Variants in PER3 observed in about 807,000 individuals in gnomAD.
PER3 encodes the protein period circadian regulator 3.
PER3 carries 107 observed loss-of-function variants against 127.2 expected under a neutral mutation model. The ratio of observed to expected loss-of-function variants is 0.84; its 90% confidence interval spans 0.72 to 0.99. The LOEUF is 0.99. PER3 is among the 50% of genes least tolerant of loss of function. PER3 has a pLI of 0.00. For synonymous variants in PER3, 618 were observed against 585.8 expected (o/e 1.05, Z -0.79); for missense variants, 1,560 against 1,525.8 (o/e 1.02, Z -0.37).
rs142370585 is a variant in PER3, at chr1:7,827,444, G to C, written c.2515G>C (p.Glu839Gln). Residue 839 changes from glutamate to glutamine, a missense_variant, in exon 18 of 22, where the codon GAG becomes CAG. Glu to Gln is a conservative substitution (Grantham distance 29, BLOSUM62 2). Around this residue, in one of 3 missense-constraint regions of PER3, gnomAD observed 1,332 missense variants for 1,223.6 expected, o/e 1.09. Coordinates refer to ENST00000377532, the MANE Select transcript of PER3 (RefSeq NM_001377275.1). ...AGGCCTGCATGGGCTGCCCTTGTCC[G>C]AGGGCTTGCAGCCTTACCCAGCTTT... is the stretch of plus-strand genomic sequence containing the variant. Reference protein sequence around the residue: ...PEGLHGLPLSEGLQPYPAFPF... With the variant: ...PEGLHGLPLSQGLQPYPAFPF... 2.0e-5 allele frequency: 33 copies of C among 1,614,146 alleles called. No homozygotes were observed. In the East Asian group the frequency reaches 7.1e-4, roughly 35 times the overall value.
intron 8 of PER3, 107 bp from the exon 9 acceptor site, chr1:7,802,940 T>C (rs1242042807): frequency 9.4e-6 from 7 of 746,902 alleles, no homozygotes; most frequent in African/African-American, 1.7e-5. Context: ...GATAAACAGC[T>C]TTGCATAAAA....
intron 16 of PER3, among the ~76,000 whole-genome samples, chr1:7,824,764 C>T (rs771562610): frequency 7.7e-4 from 117 of 152,254 alleles, no homozygotes; most frequent in Non-Finnish European, 1.4e-3. Flanking sequence ...GCTACAAAGG[C>T]GAGACCTTCC....
In PER3 at chr1:7,798,661, T is replaced by C; in HGVS notation, c.781T>C (p.Ser261Pro). The C allele has an allele frequency of 1.9e-6, 3 of 1,613,632 alleles. No homozygotes were observed. Among genetic ancestry groups the C allele is most frequent in the Non-Finnish European group, 2.5e-6 (3 of 1,179,560 alleles). Residue 261 changes from serine (S) to proline (P), a missense_variant, in exon 7 of 22, where the codon TCT (serine) becomes CCT (proline). Coordinates refer to ENST00000377532, the MANE Select transcript of PER3 (RefSeq NM_001377275.1). ...CCLTVVEKIH[S>P]GYEAPRIPVN... The stretch of plus-strand genomic sequence containing the variant: ...TCTCACTGTGGTTGAAAAGATTCAC[T>C]CTGGTTATGAAGGTAAGTCAGTAGA...
chr1:7,786,242 G>A (rs1052384904), intron 3 of PER3, among the ~76,000 whole-genome samples: 8 of 152,160 alleles, frequency 5.3e-5, no homozygotes, highest in Admixed American at 1.3e-4. Flanking sequence ...GTGACAGAGC[G>A]AGACTCTGTC....
intron 10 of PER3, among the ~76,000 whole-genome samples, chr1:7,806,611 G>T (rs1055171750): frequency 2.0e-4 from 30 of 151,544 alleles, no homozygotes; most frequent in African/African-American, 6.3e-4. Flanking sequence ...AAGATAGTGA[G>T]ACCCCTTCTC....
At chr1:7,799,667 C>A (rs1384609435) in intron 7 of PER3, among the ~76,000 whole-genome samples, 1 of 149,914 alleles carries the variant, frequency 6.7e-6, no homozygotes, top group Non-Finnish European at 1.5e-5. Context: ...ATTAGGAAAT[C>A]TACAAACACT....
intron 10 of PER3, among the ~76,000 whole-genome samples, chr1:7,808,232 C>CAAAAAAAAAA (rs60220289): frequency 2.0e-5 from 2 of 97,744 alleles, no homozygotes; most frequent in African/African-American, 6.8e-5. Context: ...GACTCTGTCT[C>CAAAAAAAAAA]AAAAAAAAAA....
rs1414930958 is a variant in PER3 at position 7,820,250 on chromosome 1, T to C, written c.1783+11T>C. 6.2e-7 allele frequency: 1 copy of C among 1,609,684 alleles called. No homozygotes were observed. The highest frequency in any genetic ancestry group is 1.1e-5 in the South Asian group (1 of 89,996). ...TCCAAGCCTTACAAGGTAACAAGAA[T>C]GCCCCTCAGAGTTAAATTCAAAGAA... On this transcript the variant is annotated intron_variant, in intron 15 of 21. Coordinates refer to ENST00000377532, the MANE Select transcript of PER3 (RefSeq NM_001377275.1).
intron 13 of PER3, among the ~76,000 whole-genome samples, chr1:7,816,417 G>A (rs1424380000): frequency 6.6e-6 from 1 of 152,060 alleles, no homozygotes; most frequent in Non-Finnish European, 1.5e-5. Flanking sequence ...TATCTGAAAG[G>A]CACTGATAAG....
intron 6 of PER3, among the ~76,000 whole-genome samples, chr1:7,795,588 G>A (rs966229652): frequency 6.6e-6 from 1 of 152,216 alleles, no homozygotes. Flanking sequence ...CAGAGGCCCT[G>A]GGGTGGGCCA....
At chr1:7,805,795 T>TA (rs1487527437) in intron 10 of PER3, among the ~76,000 whole-genome samples, 3 of 152,196 alleles carry the variant, frequency 2.0e-5, no homozygotes, top group Non-Finnish European at 4.4e-5. Context: ...GGGTTAAAGA[T>TA]ACGGCCTGGA....
rs764262204 is a variant in PER3 at position 7,810,387 on chromosome 1, G to A, written c.1372-51G>A. The stretch of plus-strand genomic sequence containing the variant: ...GTGTATTTTGTTTATGTATCTTTTA[G>A]TGGACATTTTTATAATTTTTGAAAC... On this transcript the variant is annotated intron_variant, in intron 12 of 21. Transcript: ENST00000377532. 9 of 1,323,830 alleles carry A rather than the reference G, an allele frequency of 6.8e-6. No individual in the cohort carries two copies. The East Asian group carries it at 1.4e-4, about 20-fold the overall frequency. 82.0% of individuals were successfully genotyped at this position (1,323,830 alleles called of 1,614,324 possible).
chr1:7,795,167 G>A (rs1426514021), intron 6 of PER3, among the ~76,000 whole-genome samples: 2 of 152,150 alleles, frequency 1.3e-5, no homozygotes, highest in Non-Finnish European at 2.9e-5. Flanking sequence ...TCATTCACAA[G>A]TGAGTTGTAT....
intron 5 of PER3, among the ~76,000 whole-genome samples, chr1:7,790,940 T>C (rs1357200369): frequency 6.6e-6 from 1 of 152,268 alleles, no homozygotes; most frequent in Non-Finnish European, 1.5e-5. Context: ...CCTACAGCCT[T>C]GGGCAGCTCT....
intron 13 of PER3, 176 bp downstream of exon 13, chr1:7,810,764 C>CA (rs1475473442): frequency 6.1e-6 from 3 of 493,272 alleles, no homozygotes; most frequent in African/African-American, 5.9e-5. Context: ...ATGGCAGCAA[C>CA]AAATACTGTT....
intron 3 of PER3, 38 bp downstream of exon 3, chr1:7,785,624 A>T: frequency 6.3e-7 from 1 of 1,582,684 alleles, no homozygotes; most frequent in Admixed American, 1.7e-5. Context: ...CTACGAATGC[A>T]CCAGGACTCA....
At chr1:7,818,240 CATT>C (rs1470576324) in intron 13 of PER3, among the ~76,000 whole-genome samples, 1 of 152,202 alleles carries the variant, frequency 6.6e-6, no homozygotes, top group Non-Finnish European at 1.5e-5. Flanking sequence ...ACCATGGTAA[CATT>C]AGTGGAAGCT....
At position 7,819,141 on chromosome 1, in the gene PER3, G is replaced by C. The variant is rs148043253; in HGVS notation, c.1523-144G>C. ...GATATCTTTCTATTAGTGCATTTTA[G>C]ATCTGCACTCATTTTTAATAGCCGC... On this transcript the variant is annotated intron_variant, in intron 13 of 21. Coordinates refer to ENST00000377532, the MANE Select transcript of PER3 (RefSeq NM_001377275.1). 3,169 of 629,646 alleles carry C rather than the reference G, an allele frequency of 5.0e-3. 9 individuals are homozygous for C. The highest frequency in any genetic ancestry group is 7.2e-3 in the Non-Finnish European group (2,617 of 364,172). The allele number at this position is 629,646 out of a possible 1,614,324, so 39.0% of individuals were successfully genotyped here. A position where few individuals can be genotyped will look rare whatever the true frequency, so the allele number is the denominator to read the frequency against.
intron 6 of PER3, 124 bp from the exon 7 acceptor site, chr1:7,798,401 T>G (rs1184982431): frequency 1.4e-6 from 1 of 726,940 alleles, no homozygotes; most frequent in Non-Finnish European, 2.3e-6. Flanking sequence ...CAAACATGTT[T>G]AAACATTTTA....
Sources: gnomAD v4.1 joint callset for allele counts (sites outside exome capture counted in the v4.1 genomes callset) on GRCh38, gnomAD v4.1.1 for gene constraint, gnomAD v4.1.1 regional missense constraint, MANE v1.5 for transcripts, NCBI Gene and HGNC (gene_info 2026-07-23, HGNC 2026-07-21) for gene names.